RIMS1: variants seen among roughly 807,000 people sequenced by gnomAD.
RIMS1 encodes regulating synaptic membrane exocytosis 1, also known as regulating synaptic membrane exocytosis protein 1.
A neutral mutation model predicts 214.1 loss-of-function variants in RIMS1; 83 were observed. The observed-to-expected ratio is 0.39, with a 90% confidence interval of 0.32 to 0.47. The LOEUF is 0.47. Ranked by LOEUF, RIMS1 falls within the 20% of genes least tolerant of loss-of-function variation. The pLI, the probability that RIMS1 is intolerant of heterozygous loss-of-function variation, is 0.99. For missense variants in RIMS1, 2,050 were observed against 2,161.8 expected, an observed-to-expected ratio of 0.95 and a Z score of 1.03; for synonymous variants, 793 against 786.8, an observed-to-expected ratio of 1.01 and a Z score of -0.13.
At chr6:72,328,607 T>A (rs1394592758) in intron 28 of RIMS1, among the ~76,000 whole-genome samples, 1 of 151,786 alleles carries the variant, frequency 6.6e-6, no homozygotes, top group Non-Finnish European at 1.5e-5. Flanking sequence ...ATCCCTATGG[T>A]ATACACAAAG....
At chr6:72,220,484 A>G (rs967099277) in intron 6 of RIMS1, among the ~76,000 whole-genome samples, 1 of 152,130 alleles carries the variant, frequency 6.6e-6, no homozygotes, top group Non-Finnish European at 1.5e-5. Flanking sequence ...GAAGTACTTG[A>G]CATTCAGTGG....
At position 71,955,988 on chromosome 6, in the gene RIMS1, G is replaced by A. The variant is rs6911981; in HGVS notation, c.165-12995G>A. Reference sequence around the variant, plus strand: ...TTACTACTTAATGTTATATATAAGAGGAAAAGGTAGAAAAGTTTTTCAATG... The same window carrying A: ...TTACTACTTAATGTTATATATAAGAAGAAAAGGTAGAAAAGTTTTTCAATG... On this transcript the variant is annotated intron_variant, in intron 1 of 33. Transcript: ENST00000521978. Among the ~76,000 whole-genome samples the A allele has an allele frequency of 7.9e-3, 1,195 of 152,074 alleles. 15 individuals carry two copies. Among genetic ancestry groups the A allele is most frequent in the African/African-American group, 0.027 (1,128 of 41,514 alleles).
At chr6:72,393,650 C>T (rs1412867097) in intron 31 of RIMS1, among the ~76,000 whole-genome samples, 1 of 152,024 alleles carries the variant, frequency 6.6e-6, no homozygotes, top group Non-Finnish European at 1.5e-5. Flanking sequence ...TGGCGTGAAC[C>T]CGGGAAGTGG....
chr6:72,071,988 T>C (rs545886979), intron 2 of RIMS1, among the ~76,000 whole-genome samples: 1 of 152,318 alleles, frequency 6.6e-6, no homozygotes, highest in African/African-American at 2.4e-5. Context: ...ATGCCAGTTA[T>C]GGAGATAGTG....
intron 26 of RIMS1, among the ~76,000 whole-genome samples, chr6:72,299,282 T>C (rs1015152254): frequency 6.6e-6 from 1 of 151,944 alleles, no homozygotes; most frequent in African/African-American, 2.4e-5. Flanking sequence ...TTTTGAATCA[T>C]AACAAAACAC....
intron 24 of RIMS1, among the ~76,000 whole-genome samples, chr6:72,286,913 T>G (rs1387171981): frequency 6.6e-6 from 1 of 152,226 alleles, no homozygotes; most frequent in Non-Finnish European, 1.5e-5. Context: ...CTTTTAAGAA[T>G]ATATTTTGAA....
chr6:72,395,261 G>C (rs2098759945), intron 31 of RIMS1, among the ~76,000 whole-genome samples: 1 of 151,982 alleles, frequency 6.6e-6, no homozygotes, highest in South Asian at 2.1e-4. Context: ...ACTGTTTTAA[G>C]AAAAACATAA....
At chr6:72,377,425 G>C (rs2098409830) in intron 29 of RIMS1, among the ~76,000 whole-genome samples, 1 of 152,136 alleles carries the variant, frequency 6.6e-6, no homozygotes, top group South Asian at 2.1e-4. Flanking sequence ...AGTTCAGAAG[G>C]GAACATGGGC....
intron 2 of RIMS1, among the ~76,000 whole-genome samples, chr6:72,085,182 A>G (rs940886254): frequency 1.3e-5 from 2 of 152,196 alleles, no homozygotes; most frequent in Non-Finnish European, 2.9e-5. Flanking sequence ...GCAATAAGAA[A>G]AAAGTATACT....
intron 4 of RIMS1, among the ~76,000 whole-genome samples, chr6:72,176,447 G>T (rs554154516): frequency 3.4e-4 from 52 of 152,126 alleles, no homozygotes; most frequent in African/African-American, 1.2e-3. Flanking sequence ...ATATTCTATT[G>T]TAATCTTATA....
chr6:72,152,439 G>A (rs942830873), intron 4 of RIMS1, among the ~76,000 whole-genome samples: 1 of 152,060 alleles, frequency 6.6e-6, no homozygotes, highest in Non-Finnish European at 1.5e-5. Flanking sequence ...GCAGCTCTTT[G>A]TGAAATCATC....
rs948328058 is a variant in RIMS1, at chr6:72,290,793, C to T, written c.3669C>T (p.Ile1223=). ...ARSRSSEHSS[I]RTLCSMHHLV... ...CAAGGTCGAGTGAGCACTCTAGTAT[C>T]AGAACACTGTGTTCTATGCACCACC... is the stretch of plus-strand genomic sequence containing the variant. Residue 1223 remains isoleucine (I), a synonymous_variant, in exon 25 of 34, where the codon ATC becomes ATT. Transcript: ENST00000521978. 6.2e-7 allele frequency: 1 copy of T among 1,613,674 alleles called. No individual in the cohort carries two copies. The highest frequency in any genetic ancestry group is 1.3e-5 in the African/African-American group (1 of 74,900).
At chr6:72,295,186 C>T (rs1429803982) in intron 26 of RIMS1, among the ~76,000 whole-genome samples, 1 of 151,706 alleles carries the variant, frequency 6.6e-6, no homozygotes, top group East Asian at 1.9e-4. Context: ...CTATCTAAAA[C>T]TCCAATGATA....
chr6:72,199,729 C>T (rs758434299), intron 6 of RIMS1, among the ~76,000 whole-genome samples: 1 of 152,052 alleles, frequency 6.6e-6, no homozygotes, highest in Non-Finnish European at 1.5e-5. Flanking sequence ...AAAGATAAAA[C>T]TATTGGCTTC....
intron 6 of RIMS1, chr6:72,217,319 G>T: frequency 7.7e-7 from 1 of 1,305,708 alleles, no homozygotes; most frequent in South Asian, 1.4e-5. Context: ...AAAAGAGTAA[G>T]ATACTAAAAT....
At chr6:71,963,888 C>A (rs1793690807) in intron 1 of RIMS1, among the ~76,000 whole-genome samples, 1 of 151,924 alleles carries the variant, frequency 6.6e-6, no homozygotes, top group African/African-American at 2.4e-5. Flanking sequence ...TTCTTTTTAT[C>A]TTCTTTATTC....
intron 1 of RIMS1, among the ~76,000 whole-genome samples, chr6:71,942,806 T>C (rs1431282800): frequency 6.6e-6 from 1 of 152,088 alleles, no homozygotes; most frequent in African/African-American, 2.4e-5. Context: ...AATCTCTGAA[T>C]ATATGTGTTT....
chr6:72,137,680 TTC>T (rs1472511827), intron 4 of RIMS1, among the ~76,000 whole-genome samples: 1 of 151,642 alleles, frequency 6.6e-6, no homozygotes, highest in Non-Finnish European at 1.5e-5. Flanking sequence ...TGTTTTGTTC[TTC>T]TGTCCTAAAA....
intron 29 of RIMS1, among the ~76,000 whole-genome samples, chr6:72,345,117 T>C (rs2097214422): frequency 6.6e-6 from 1 of 151,808 alleles, no homozygotes; most frequent in African/African-American, 2.4e-5. Flanking sequence ...GCTAAAGATG[T>C]AACAAGAAAT....
Sources: allele counts gnomAD v4.1 joint callset (sites outside exome capture counted in the v4.1 genomes callset), GRCh38; gene constraint gnomAD v4.1.1; transcripts MANE v1.5; gene names NCBI Gene and HGNC (gene_info 2026-07-23, HGNC 2026-07-21).